The following NRXN3 variants were observed in gnomAD, a reference collection of about 807,000 sequenced individuals.
The protein encoded by NRXN3 is neurexin III.
Under a neutral mutation model 137.6 loss-of-function variants are expected in NRXN3, and 32 were observed. The observed-to-expected ratio is 0.23, with a 90% CI of 0.18 to 0.31. NRXN3 has a LOEUF of 0.31. NRXN3 is among the 10% of genes least tolerant of loss of function. The probability of loss-of-function intolerance (pLI) is 1.00; values close to 1 mark genes in which losing one functional copy is unlikely to be tolerated. For missense variants in NRXN3, 1,574 were observed against 2,062.5 expected, an observed-to-expected ratio of 0.76 and a Z score of 4.59; for synonymous variants, 798 against 784.5, an observed-to-expected ratio of 1.02 and a Z score of -0.29.
At chr14:78,916,587 G>T (rs1404652396) in intron 10 of NRXN3, among the ~76,000 whole-genome samples, 2 of 152,126 alleles carry the variant, frequency 1.3e-5, no homozygotes, top group Non-Finnish European at 2.9e-5. Flanking sequence ...AAAACCAGGG[G>T]GGCTTGGGAG....
At chr14:78,684,144 C>G (rs1321786223) in intron 6 of NRXN3, among the ~76,000 whole-genome samples, 1 of 152,108 alleles carries the variant, frequency 6.6e-6, no homozygotes, top group Non-Finnish European at 1.5e-5. Flanking sequence ...ATTAACCATA[C>G]TTATCTTGGA....
intron 4 of NRXN3, among the ~76,000 whole-genome samples, chr14:78,316,781 A>G (rs28711477): frequency 0.19 from 28,381 of 152,092 alleles, 2,775 homozygotes; most frequent in Admixed American, 0.23. Context: ...ACCAAGACCT[A>G]GTGTTTGTCT....
intron 4 of NRXN3, among the ~76,000 whole-genome samples, chr14:78,636,365 G>C (rs1369397232): frequency 6.6e-6 from 1 of 152,074 alleles, no homozygotes. Flanking sequence ...CTGCCTAAAG[G>C]AGAACTCACA....
At chr14:79,074,026 G>A (rs990567821) in intron 15 of NRXN3, among the ~76,000 whole-genome samples, 1 of 152,168 alleles carries the variant, frequency 6.6e-6, no homozygotes, top group Non-Finnish European at 1.5e-5. Flanking sequence ...ATAAAATGAA[G>A]CTTAGTAGTT....
At chr14:79,594,286 A>G (rs2097840868) in intron 16 of NRXN3, among the ~76,000 whole-genome samples, 1 of 152,184 alleles carries the variant, frequency 6.6e-6, no homozygotes, top group Admixed American at 6.5e-5. Flanking sequence ...GCTAATCATA[A>G]TAATTGGGAC....
chr14:78,775,345 T>G (rs574538610), intron 8 of NRXN3, among the ~76,000 whole-genome samples: 1 of 152,284 alleles, frequency 6.6e-6, no homozygotes, highest in African/African-American at 2.4e-5. Context: ...AAATTTCAAA[T>G]TAGTATCATG....
intron 10 of NRXN3, among the ~76,000 whole-genome samples, chr14:78,833,766 T>A (rs2098988752): frequency 6.6e-6 from 1 of 152,174 alleles, no homozygotes. Flanking sequence ...GGTTAACAAT[T>A]TATATTCCTT....
At chr14:79,515,808 T>C (rs943619647) in intron 16 of NRXN3, among the ~76,000 whole-genome samples, 3 of 152,162 alleles carry the variant, frequency 2.0e-5, no homozygotes, top group African/African-American at 7.2e-5. Context: ...CATTGATTCA[T>C]TGGGGAAAAC....
rs369429039 is a variant in NRXN3, at chr14:79,110,762, T to TTTTATTTA, written c.3262+122649_3262+122656dup. 4.8e-3 allele frequency among the ~76,000 whole-genome samples: 669 copies of TTTTATTTA among 139,138 alleles called. 6 individuals carry two copies. The highest frequency in any genetic ancestry group is 0.017 in the African/African-American group (642 of 37,508). 91.3% of individuals were successfully genotyped at this position (139,138 alleles called of 152,430 possible). On this transcript the variant is annotated intron_variant, in intron 15 of 20. Coordinates refer to ENST00000335750, the MANE Select transcript of NRXN3 (RefSeq NM_001330195.2). Reference sequence around the variant, plus strand: ...GTCTTCTTTCAATGAGAAATTATTATTTTATTTATTTATTTATTTATTTAT... The same window carrying TTTTATTTA: ...GTCTTCTTTCAATGAGAAATTATTATTTTATTTATTTATTTATTTATTTATTTATTTAT...
intron 4 of NRXN3, among the ~76,000 whole-genome samples, chr14:78,433,435 G>A (rs2093959355): frequency 6.6e-6 from 1 of 152,096 alleles, no homozygotes; most frequent in Admixed American, 6.5e-5. Context: ...GCCGTAACAA[G>A]CTGGGTGGCT....
chr14:78,481,502 C>A (rs933876606), intron 4 of NRXN3, among the ~76,000 whole-genome samples: 4 of 152,058 alleles, frequency 2.6e-5, no homozygotes, highest in African/African-American at 9.7e-5. Flanking sequence ...GAGTGACAGC[C>A]GGGGCTTTTT....
chr14:78,577,629 C>T (rs543594770), intron 4 of NRXN3, among the ~76,000 whole-genome samples: 60 of 152,228 alleles, frequency 3.9e-4, no homozygotes, highest in African/African-American at 1.4e-3. Flanking sequence ...CCACGCCCAG[C>T]TAATTTTGTA....
chr14:78,245,714 C>A (rs1307630462), intron 2 of NRXN3, among the ~76,000 whole-genome samples: 1 of 152,170 alleles, frequency 6.6e-6, no homozygotes, highest in African/African-American at 2.4e-5. Context: ...CATGCATGGG[C>A]TATTGCAGGA....
chr14:78,931,897 A>C (rs999083939), intron 10 of NRXN3, among the ~76,000 whole-genome samples: 4 of 152,152 alleles, frequency 2.6e-5, no homozygotes, highest in Non-Finnish European at 4.4e-5. Context: ...CTGTAATCCC[A>C]TTACTTTGAG....
chr14:79,049,048 A>AT (rs2099637595), intron 15 of NRXN3, among the ~76,000 whole-genome samples: 1 of 58,456 alleles, frequency 1.7e-5, no homozygotes, highest in Non-Finnish European at 3.2e-5. Flanking sequence ...AAAAAAAAAA[A>AT]AAAAAAAAAA....
chr14:78,641,499 G>A (rs2097631107), intron 4 of NRXN3, among the ~76,000 whole-genome samples: 1 of 152,172 alleles, frequency 6.6e-6, no homozygotes, highest in Admixed American at 6.5e-5. Context: ...ACTGGGTTAT[G>A]CATTGCTAGT....
intron 15 of NRXN3, among the ~76,000 whole-genome samples, chr14:79,380,735 A>G (rs1361387023): frequency 6.6e-6 from 1 of 152,178 alleles, no homozygotes; most frequent in African/African-American, 2.4e-5. Flanking sequence ...GCTGGGTCAA[A>G]TGGTAACAAC....
At chr14:79,034,004 A>G (rs2099611928) in intron 15 of NRXN3, among the ~76,000 whole-genome samples, 1 of 152,110 alleles carries the variant, frequency 6.6e-6, no homozygotes, top group South Asian at 2.1e-4. Flanking sequence ...AGTGGCCTTA[A>G]AAGGCACAGC....
At chr14:79,339,268 C>T (rs918575191) in intron 15 of NRXN3, among the ~76,000 whole-genome samples, 35 of 152,202 alleles carry the variant, frequency 2.3e-4, no homozygotes, top group Admixed American at 5.2e-4. Flanking sequence ...GAGACAAAAT[C>T]ATTCTAAGCT....
Sources: gnomAD v4.1 joint callset for allele counts (sites outside exome capture counted in the v4.1 genomes callset) on GRCh38, gnomAD v4.1.1 for gene constraint, MANE v1.5 for transcripts, NCBI Gene and HGNC (gene_info 2026-07-23, HGNC 2026-07-21) for gene names.